PTPRD: variants seen among roughly 807,000 people sequenced by gnomAD.
The protein encoded by PTPRD is receptor-type tyrosine-protein phosphatase delta.
PTPRD carries 34 observed loss-of-function variants against 214.5 expected under a neutral mutation model. The ratio of observed to expected loss-of-function variants is 0.16; its 90% CI spans 0.12 to 0.21. The LOEUF (loss-of-function observed/expected upper bound fraction) is 0.21, where lower values mean the gene tolerates loss of function less well. PTPRD is among the 10% of genes least tolerant of loss of function. PTPRD has a pLI of 1.00. For missense variants in PTPRD, 2,545 were observed against 2,398.7 expected, an observed-to-expected ratio of 1.06 and a Z score of -1.27; for synonymous variants, 1,128 against 845.7, an observed-to-expected ratio of 1.33 and a Z score of -5.79.
chr9:9,299,058 G>T (rs534041984), intron 9 of PTPRD, among the ~76,000 whole-genome samples: 2 of 151,782 alleles, frequency 1.3e-5, no homozygotes, highest in Admixed American at 1.3e-4. Flanking sequence ...TAATTATAAT[G>T]TAGATCCTGA....
At chr9:8,799,348 C>G (rs2096523858) in intron 11 of PTPRD, among the ~76,000 whole-genome samples, 2 of 152,308 alleles carry the variant, frequency 1.3e-5, no homozygotes, top group East Asian at 3.9e-4. Flanking sequence ...CTGGAGGCAG[C>G]TTAGAATTCA....
intron 7 of PTPRD, among the ~76,000 whole-genome samples, chr9:9,667,602 A>G (rs1400888599): frequency 6.6e-6 from 1 of 152,134 alleles, no homozygotes; most frequent in Non-Finnish European, 1.5e-5. Flanking sequence ...GCACACAGGG[A>G]TTTCTAGAGG....
intron 11 of PTPRD, among the ~76,000 whole-genome samples, chr9:8,914,990 C>A (rs573949691): frequency 6.6e-6 from 1 of 152,032 alleles, no homozygotes; most frequent in Non-Finnish European, 1.5e-5. Flanking sequence ...AATCACAAAA[C>A]ATGTGCCAGA....
intron 31 of PTPRD, among the ~76,000 whole-genome samples, chr9:8,470,100 A>G (rs1004705364): frequency 6.6e-6 from 1 of 152,128 alleles, no homozygotes; most frequent in East Asian, 1.9e-4. Context: ...TTAAAATCTC[A>G]TATTTGCCAA....
chr9:9,024,745 C>A (rs541903964), intron 10 of PTPRD, among the ~76,000 whole-genome samples: 2 of 151,872 alleles, frequency 1.3e-5, no homozygotes, highest in South Asian at 4.1e-4. Context: ...TTGTTGCCTA[C>A]TTATCTATTA....
chr9:10,284,970 T>G (rs192797999), intron 3 of PTPRD, among the ~76,000 whole-genome samples: 1 of 152,324 alleles, frequency 6.6e-6, no homozygotes, highest in African/African-American at 2.4e-5. Flanking sequence ...CAGCACTTCA[T>G]TTTGGACACT....
intron 3 of PTPRD, among the ~76,000 whole-genome samples, chr9:10,310,408 A>G (rs1162968955): frequency 6.6e-6 from 1 of 152,054 alleles, no homozygotes; most frequent in Admixed American, 6.6e-5. Context: ...AAAAAAATTC[A>G]ACGTTATCAT....
chr9:9,380,106 T>C (rs1258044189), intron 9 of PTPRD, among the ~76,000 whole-genome samples: 1 of 152,060 alleles, frequency 6.6e-6, no homozygotes, highest in Admixed American at 6.6e-5. Flanking sequence ...CCTTTGAGTG[T>C]CTTACCATTA....
chr9:9,703,735 T>A (rs2097544608), intron 7 of PTPRD, among the ~76,000 whole-genome samples: 1 of 152,182 alleles, frequency 6.6e-6, no homozygotes, highest in South Asian at 2.1e-4. Flanking sequence ...AGAATACAAA[T>A]TTAATTTGCT....
rs532509111 is a variant in PTPRD at position 10,370,919 on chromosome 9, A to G, written c.-599-29902T>C. ...GAGTGAGTGTTCAGAGGAGTTAAAC[A>G]TGTGATCTTTGCCTGAAGTATTTCT... On this transcript the variant is annotated intron_variant, in intron 2 of 45. Coordinates refer to ENST00000381196, the MANE Select transcript of PTPRD (RefSeq NM_002839.4). 8.9e-4 allele frequency among the ~76,000 whole-genome samples: 135 copies of G among 152,126 alleles called. 1 individual carries two copies. In the South Asian group the frequency reaches 0.028, roughly 31 times the overall value.
At position 9,158,599 on chromosome 9, in the gene PTPRD, C is replaced by T. The variant is rs995116457; in HGVS notation, c.-143+24705G>A. Among the ~76,000 whole-genome samples the T allele has an allele frequency of 2.6e-5, 4 of 151,496 alleles. No individual in the cohort carries two copies. In the East Asian group the frequency reaches 5.8e-4, roughly 22 times the overall value. The stretch of plus-strand genomic sequence containing the variant: ...TGGGTGACAGAGTGAGACTCCATCT[C>T]GAAAATAAATAAATAAATAAATAAA... On this transcript the variant is annotated intron_variant, in intron 10 of 45. Transcript: ENST00000381196.
chr9:10,219,282 T>C (rs1438642558), intron 3 of PTPRD, among the ~76,000 whole-genome samples: 3 of 151,876 alleles, frequency 2.0e-5, no homozygotes, highest in East Asian at 3.9e-4. Flanking sequence ...AAACCATTTA[T>C]CCAAATTTTG....
At chr9:9,863,011 TA>T (rs1389501571) in intron 5 of PTPRD, among the ~76,000 whole-genome samples, 1 of 152,150 alleles carries the variant, frequency 6.6e-6, no homozygotes, top group Non-Finnish European at 1.5e-5. Flanking sequence ...CAAATGACAA[TA>T]GGAAAAAAAG....
At chr9:9,851,698 T>C (rs1214308290) in intron 5 of PTPRD, among the ~76,000 whole-genome samples, 1 of 152,194 alleles carries the variant, frequency 6.6e-6, no homozygotes, top group Non-Finnish European at 1.5e-5. Context: ...AAGGATCACT[T>C]GAACGCAGGA....
chr9:9,284,305 T>C (rs62535766), intron 9 of PTPRD, among the ~76,000 whole-genome samples: 20,091 of 151,634 alleles, frequency 0.13, 1,698 homozygotes, highest in Middle Eastern at 0.21. Context: ...TATCCCATCA[T>C]CTGGATTTAA....
intron 2 of PTPRD, among the ~76,000 whole-genome samples, chr9:10,502,600 G>C (rs1337257521): frequency 6.6e-6 from 1 of 151,972 alleles, no homozygotes; most frequent in Non-Finnish European, 1.5e-5. Flanking sequence ...AGAATAAATA[G>C]AGTACCTATC....
At chr9:10,396,531 A>G (rs1565773156) in intron 2 of PTPRD, among the ~76,000 whole-genome samples, 1 of 151,992 alleles carries the variant, frequency 6.6e-6, no homozygotes, top group African/African-American at 2.4e-5. Flanking sequence ...TTTCAAAACT[A>G]GCTTTAATCC....
At chr9:8,906,844 G>A (rs2098711299) in intron 11 of PTPRD, among the ~76,000 whole-genome samples, 1 of 151,958 alleles carries the variant, frequency 6.6e-6, no homozygotes, top group South Asian at 2.1e-4. Context: ...ACCATGGAAG[G>A]TCTTGCTAAA....
chr9:9,001,867 T>G (rs1297524858), intron 11 of PTPRD, among the ~76,000 whole-genome samples: 1 of 152,030 alleles, frequency 6.6e-6, no homozygotes, highest in Non-Finnish European at 1.5e-5. Flanking sequence ...TTTTCTTCTT[T>G]GATTCTTCCT....
Sources: gnomAD v4.1 joint callset for allele counts (sites outside exome capture counted in the v4.1 genomes callset) on GRCh38, gnomAD v4.1.1 for gene constraint, MANE v1.5 for transcripts, NCBI Gene and HGNC (gene_info 2026-07-23, HGNC 2026-07-21) for gene names.